NRG1: variants seen among roughly 807,000 people sequenced by gnomAD.
NRG1 encodes neuregulin 1.
Under a neutral mutation model 63.8 loss-of-function variants are expected in NRG1, and 18 were observed. That is an observed-to-expected ratio of 0.28 (90% CI 0.19 to 0.42). The LOEUF (loss-of-function observed/expected upper bound fraction) is 0.42, where lower values mean the gene tolerates loss of function less well. Among genes scored for constraint, NRG1 ranks in the 10% least tolerant of loss-of-function variants. NRG1 has a pLI of 1.00. For synonymous variants in NRG1, 302 were observed against 301.3 expected, an observed-to-expected ratio of 1.00 and a Z score of -0.02; for missense variants, 762 against 814.7, an observed-to-expected ratio of 0.94 and a Z score of 0.79.
chr8:32,694,129 A>C (rs536840903), intron 5 of NRG1, among the ~76,000 whole-genome samples: 1 of 152,164 alleles, frequency 6.6e-6, no homozygotes, highest in Non-Finnish European at 1.5e-5. Context: ...CTGAGGGTAG[A>C]TGGTCTTCTA....
At chr8:31,828,275 G>A (rs1424772167) in intron 1 of NRG1, among the ~76,000 whole-genome samples, 1 of 152,176 alleles carries the variant, frequency 6.6e-6, no homozygotes, top group African/African-American at 2.4e-5. Context: ...TTGACGATGA[G>A]TGACTGTAGT....
At chr8:32,561,226 A>G (rs1588315324) in intron 1 of NRG1, among the ~76,000 whole-genome samples, 1 of 152,202 alleles carries the variant, frequency 6.6e-6, no homozygotes, top group Non-Finnish European at 1.5e-5. Flanking sequence ...CTTCACTTTT[A>G]TAGTGCTTTG....
intron 1 of NRG1, among the ~76,000 whole-genome samples, chr8:32,103,147 T>G (rs1215221967): frequency 6.6e-6 from 1 of 152,240 alleles, no homozygotes; most frequent in African/African-American, 2.4e-5. Flanking sequence ...AATTATTTTT[T>G]GTACCCTTTA....
intron 5 of NRG1, among the ~76,000 whole-genome samples, chr8:32,660,729 G>A (rs1362269743): frequency 2.6e-5 from 4 of 152,162 alleles, no homozygotes; most frequent in Non-Finnish European, 1.5e-5. Context: ...TGAAATGGTG[G>A]CAATAACTAT....
At chr8:31,958,204 T>G (rs550857437) in intron 1 of NRG1, among the ~76,000 whole-genome samples, 1 of 152,220 alleles carries the variant, frequency 6.6e-6, no homozygotes, top group East Asian at 1.9e-4. Flanking sequence ...AAACTCCTGA[T>G]TAAAGATAAC....
chr8:32,567,665 T>C (rs1282217264), intron 1 of NRG1, among the ~76,000 whole-genome samples: 1 of 152,194 alleles, frequency 6.6e-6, no homozygotes, highest in African/African-American at 2.4e-5. Flanking sequence ...TATAAACTGT[T>C]GTGTTTTATT....
At position 31,801,965 on chromosome 8, in the gene NRG1, C is replaced by T. The variant is rs116418367; in HGVS notation, c.37+162534C>T. On this transcript the variant is annotated intron_variant, in intron 1 of 10. Coordinates refer to the NRG1 transcript ENST00000519301. ...AAGACATGATCTGTGTGCTTTGCTG[C>T]CATAGTGGGCCTATCCACATGGCTC... 4.3e-3 allele frequency among the ~76,000 whole-genome samples: 661 copies of T among 152,266 alleles called. 7 individuals carry two copies. Among genetic ancestry groups the T allele is most frequent in the African/African-American group, 0.015 (622 of 41,556 alleles).
At chr8:31,676,910 A>G (rs187672141) in intron 1 of NRG1, among the ~76,000 whole-genome samples, 13 of 152,264 alleles carry the variant, frequency 8.5e-5, no homozygotes, top group Middle Eastern at 3.4e-3. Flanking sequence ...GTCTCACGTG[A>G]TGTCTGGCAC....
intron 1 of NRG1, among the ~76,000 whole-genome samples, chr8:31,937,817 A>G (rs1275762951): frequency 6.6e-6 from 1 of 152,102 alleles, no homozygotes; most frequent in Non-Finnish European, 1.5e-5. Context: ...ATACAACTTC[A>G]TTAGACTGGG....
At chr8:32,188,421 G>A (rs1842173977) in intron 1 of NRG1, among the ~76,000 whole-genome samples, 2 of 152,092 alleles carry the variant, frequency 1.3e-5, no homozygotes, top group African/African-American at 4.8e-5. Flanking sequence ...GGCAAATAAT[G>A]ACAAGACATG....
chr8:31,756,140 T>C (rs1405670120), intron 1 of NRG1, among the ~76,000 whole-genome samples: 2 of 152,126 alleles, frequency 1.3e-5, no homozygotes, highest in African/African-American at 2.4e-5. Context: ...GCTTACACAA[T>C]TGAGAGGAGA....
intron 1 of NRG1, among the ~76,000 whole-genome samples, chr8:32,360,717 C>T (rs912557506): frequency 6.6e-5 from 10 of 152,192 alleles, no homozygotes; most frequent in African/African-American, 2.4e-4. Context: ...GCATTTTCCT[C>T]TGTTGAATTT....
chr8:32,285,435 C>A (rs1013697414), intron 1 of NRG1, among the ~76,000 whole-genome samples: 1 of 152,178 alleles, frequency 6.6e-6, no homozygotes, highest in Non-Finnish European at 1.5e-5. Context: ...GACCAGAAGA[C>A]TCCTCAGTGA....
intron 1 of NRG1, among the ~76,000 whole-genome samples, chr8:32,541,647 G>C (rs940789905): frequency 6.6e-6 from 1 of 151,986 alleles, no homozygotes; most frequent in African/African-American, 2.4e-5. Flanking sequence ...AAATAACAAA[G>C]AAAGTGCCTT....
At chr8:32,558,819 G>A (rs977403011) in intron 1 of NRG1, among the ~76,000 whole-genome samples, 1 of 152,082 alleles carries the variant, frequency 6.6e-6, no homozygotes, top group African/African-American at 2.4e-5. Context: ...CGTGGCTCAT[G>A]CCTGTAATCC....
chr8:32,070,871 A>G (rs1825659277), intron 1 of NRG1, among the ~76,000 whole-genome samples: 1 of 152,104 alleles, frequency 6.6e-6, no homozygotes, highest in Non-Finnish European at 1.5e-5. Flanking sequence ...GACTTCTCTC[A>G]TTCTCTTCCA....
intron 1 of NRG1, among the ~76,000 whole-genome samples, chr8:31,858,870 A>T (rs1191938184): frequency 6.6e-6 from 1 of 152,196 alleles, no homozygotes; most frequent in Admixed American, 6.5e-5. Context: ...CATTTGCCAT[A>T]TTCACCTGAT....
At chr8:32,259,983 G>A (rs967469796) in intron 1 of NRG1, among the ~76,000 whole-genome samples, 2 of 151,962 alleles carry the variant, frequency 1.3e-5, no homozygotes, top group Non-Finnish European at 2.9e-5. Flanking sequence ...TCTTGAACTT[G>A]GTAATTAAAT....
chr8:32,199,879 A>C (rs997436204), intron 1 of NRG1, among the ~76,000 whole-genome samples: 4 of 152,096 alleles, frequency 2.6e-5, no homozygotes, highest in African/African-American at 4.8e-5. Flanking sequence ...TCCTGGGTTC[A>C]TGTGATTCTA....
Sources: gnomAD v4.1 joint callset for allele counts (sites outside exome capture counted in the v4.1 genomes callset) on GRCh38, gnomAD v4.1.1 for gene constraint, MANE v1.5 for transcripts, NCBI Gene and HGNC (gene_info 2026-07-23, HGNC 2026-07-21) for gene names.